The following CD109 variants were observed in gnomAD, a reference collection of about 807,000 sequenced individuals.
CD109 encodes the protein CD109 antigen.
Under a neutral mutation model 165.8 loss-of-function variants are expected in CD109, and 149 were observed. The ratio of observed to expected loss-of-function variants is 0.90; its 90% confidence interval spans 0.79 to 1.03. The LOEUF (loss-of-function observed/expected upper bound fraction) is 1.03. CD109 is among the 50% of genes least tolerant of loss of function. CD109 has a pLI of 0.00. For missense variants in CD109, 1,712 were observed against 1,677.8 expected, an observed-to-expected ratio of 1.02 and a Z score of -0.36; for synonymous variants, 585 against 592.1, an observed-to-expected ratio of 0.99 and a Z score of 0.18.
In CD109 at chr6:73,772,505, CAAAAAAA is replaced by C. The variant is rs1027095366; in HGVS notation, c.1827+944_1827+950del. Reference sequence around the variant, plus strand: ...TGGGTGACAGAGCAAGACTCTGTCTCAAAAAAAAAAAAAAAAAAAAAAAAAATTACAG... The same window carrying C: ...TGGGTGACAGAGCAAGACTCTGTCTCAAAAAAAAAAAAAAAAAAATTACAG... On this transcript the variant is annotated intron_variant, in intron 15 of 32. Transcript: ENST00000287097. Among the ~76,000 whole-genome samples, 307 of 39,562 alleles carry C rather than the reference CAAAAAAA, an allele frequency of 7.8e-3. 1 individual carries two copies. The highest frequency in any genetic ancestry group is 0.027 in the African/African-American group (287 of 10,604). 26.0% of individuals were successfully genotyped at this position (39,562 alleles called of 152,430 possible). A position where few individuals can be genotyped will look rare whatever the true frequency, so the allele number is the denominator to read the frequency against.
rs1225789953 is a variant in CD109 at position 73,803,703 on chromosome 6, G to GTGTGTT, written c.2960+407_2960+408insTTGTGT. ...GTAGTTTAAGTTTGTGTGTGTGTGT[G>GTGTGTT]TGTGTGTGTAAAAAACAAACACTGA... On this transcript the variant is annotated intron_variant, in intron 24 of 32. Coordinates refer to ENST00000287097, the MANE Select transcript of CD109 (RefSeq NM_133493.5). Among the ~76,000 whole-genome samples the GTGTGTT allele has an allele frequency of 1.0e-3, 156 of 152,000 alleles. 2 individuals are homozygous for GTGTGTT. Among genetic ancestry groups the GTGTGTT allele is most frequent in the African/African-American group, 3.7e-3 (152 of 41,434 alleles).
Position 73,736,500 on chromosome 6 carries a change from C to A in CD109, c.625C>A (p.Gln209Lys). ...ACTTGGTGACTGGTCTATTCAAGTTCAAGTGAATGTGAGTATAAATATATT... is the reference window on the plus strand; with the variant it reads ...ACTTGGTGACTGGTCTATTCAAGTTAAAGTGAATGTGAGTATAAATATATT... ...PILGDWSIQV[Q>K]VNDQTYYQSF... Residue 209 changes from glutamine to lysine, a missense_variant, in exon 5 of 33, where the codon CAA (glutamine) becomes AAA (lysine). Physicochemically the swap from Gln to Lys is moderately conservative, Grantham distance 53. Coordinates refer to ENST00000287097, the MANE Select transcript of CD109 (RefSeq NM_133493.5). 2 of 1,608,262 alleles carry A rather than the reference C, an allele frequency of 1.2e-6. No homozygotes were observed. The highest frequency in any genetic ancestry group is 1.1e-5 in the South Asian group (1 of 90,202).
Position 73,771,497 on chromosome 6 carries a change from A to G in CD109, c.1743A>G (p.Thr581=). Reference sequence around the variant, plus strand: ...AAGTCTCTCTTAGGATCTCTGTGACACAGCCTGACTCCATAGTTGGGATTG... The same window carrying G: ...AAGTCTCTCTTAGGATCTCTGTGACGCAGCCTGACTCCATAGTTGGGATTG... ...SEKVSLRISV[T]QPDSIVGIVA... is the part of the protein sequence containing the mutation. Residue 581 remains threonine (T), a synonymous_variant, in exon 15 of 33, where the codon ACA becomes ACG. Transcript: ENST00000287097. 6.2e-7 allele frequency: 1 copy of G among 1,611,742 alleles called. No homozygotes were observed. The highest frequency in any genetic ancestry group is 1.1e-5 in the South Asian group (1 of 90,498).
intron 5 of CD109, among the ~76,000 whole-genome samples, chr6:73,743,265 A>G (rs1772859679): frequency 6.6e-6 from 1 of 152,170 alleles, no homozygotes; most frequent in African/African-American, 2.4e-5. Flanking sequence ...ATCTGTCACT[A>G]ACTACAATTT....
At chr6:73,789,316 A>T (rs1178231318) in intron 22 of CD109, among the ~76,000 whole-genome samples, 1 of 152,212 alleles carries the variant, frequency 6.6e-6, no homozygotes, top group Non-Finnish European at 1.5e-5. Flanking sequence ...TTATAATTGT[A>T]TAAATTTATG....
At chr6:73,811,655 G>A (rs981251100) in intron 28 of CD109, among the ~76,000 whole-genome samples, 2 of 152,064 alleles carry the variant, frequency 1.3e-5, no homozygotes, top group African/African-American at 4.8e-5. Flanking sequence ...TGATAGAACC[G>A]GTAGTAGAAT....
At chr6:73,695,884 G>GC (rs1770802684), upstream of CD109, 5 of 363,160 alleles carry the variant, frequency 1.4e-5, no homozygotes, top group South Asian at 1.2e-4. Context: ...AACCCGGTGG[G>GC]CCGGGGAAGT....
intron 2 of CD109, among the ~76,000 whole-genome samples, chr6:73,706,213 C>T (rs1771260100): frequency 6.6e-6 from 1 of 152,120 alleles, no homozygotes. Flanking sequence ...GATCTGGCCA[C>T]CACTTTATAG....
At chr6:73,740,573 G>T (rs1469143308) in intron 5 of CD109, among the ~76,000 whole-genome samples, 2 of 148,452 alleles carry the variant, frequency 1.3e-5, no homozygotes, top group Non-Finnish European at 3.0e-5. Flanking sequence ...TTTTGGTCTA[G>T]TATGATTTCT....
At chr6:73,731,459 G>A (rs149710627) in intron 4 of CD109, among the ~76,000 whole-genome samples, 1 of 152,224 alleles carries the variant, frequency 6.6e-6, no homozygotes, top group African/African-American at 2.4e-5. Context: ...CTTGTTTGGC[G>A]CATTGGAGGA....
chr6:73,723,322 A>C (rs900380006), intron 3 of CD109, 43 bp downstream of exon 3: 2 of 1,328,680 alleles, frequency 1.5e-6, no homozygotes, highest in African/African-American at 1.5e-5. Flanking sequence ...AATATATTGT[A>C]TCAGTGAACT....
intron 2 of CD109, among the ~76,000 whole-genome samples, chr6:73,721,789 T>G (rs544919690): frequency 6.6e-6 from 1 of 152,326 alleles, no homozygotes; most frequent in South Asian, 2.1e-4. Context: ...CAGGCTGTAG[T>G]GCAGTGATGT....
chr6:73,738,697 A>G (rs1038032168), intron 5 of CD109, among the ~76,000 whole-genome samples: 4 of 152,226 alleles, frequency 2.6e-5, no homozygotes, highest in Non-Finnish European at 1.5e-5. Flanking sequence ...CATTTGCAGG[A>G]TCTGGCCCTT....
rs772548630 is a variant in CD109 at position 73,818,421 on chromosome 6, T to C, written c.3945T>C (p.Leu1315=). 2.0e-5 allele frequency: 33 copies of C among 1,613,812 alleles called. No homozygotes were observed. The East Asian group carries it at 6.7e-4, about 33-fold the overall frequency. The change falls in exon 31 of 33, where the codon CTT becomes CTC. Residue 1315 remains leucine (L), a synonymous_variant. Transcript: ENST00000287097. ...GCCCGGGTAGGAGTGGCATGGCTCT[T>C]ATGGAAGTTAACCTATTAAGTGGCT... ...FSGPGRSGMA[L]MEVNLLSGFM... is the part of the protein sequence containing the mutation.
rs568275706 is a variant in CD109, at chr6:73,800,972, A to G, written c.2879-2248A>G. 4.6e-5 allele frequency among the ~76,000 whole-genome samples: 7 copies of G among 152,350 alleles called. No homozygotes were observed. The South Asian group carries it at 1.4e-3, about 32-fold the overall frequency. Reference sequence around the variant, plus strand: ...TGGAATAGTTTAAAAACTTTAAAAAAATAGTCAAATGCATCAATTTTTTTA... The same window carrying G: ...TGGAATAGTTTAAAAACTTTAAAAAGATAGTCAAATGCATCAATTTTTTTA... On this transcript the variant is annotated intron_variant, in intron 23 of 32. Transcript: ENST00000287097.
chr6:73,716,077 G>A (rs762717697), intron 2 of CD109, among the ~76,000 whole-genome samples: 2 of 152,182 alleles, frequency 1.3e-5, no homozygotes, highest in Non-Finnish European at 2.9e-5. Flanking sequence ...ATGACCTTCA[G>A]TTCCATCCAT....
rs945034955 is a variant in CD109 at position 73,827,069 on chromosome 6, C to T, written c.*3436C>T. On this transcript the variant is annotated 3_prime_UTR_variant, in exon 33 of 33. Coordinates refer to ENST00000287097, the MANE Select transcript of CD109 (RefSeq NM_133493.5). ...TTTAAAAAAGAATTATTTTATTAAC[C>T]TGCTGGCATATAATCTGGAGTTCTT... 1 of 152,012 alleles carries T rather than the reference C, an allele frequency of 6.6e-6. No homozygotes were observed. Among genetic ancestry groups the T allele is most frequent in the African/African-American group, 2.4e-5 (1 of 41,406 alleles). The allele number at this position is 152,012 out of a possible 1,614,324, so 9.4% of individuals were successfully genotyped here.
At chr6:73,742,408 T>G (rs1702420861) in intron 5 of CD109, among the ~76,000 whole-genome samples, 1 of 152,254 alleles carries the variant, frequency 6.6e-6, no homozygotes, top group Admixed American at 6.5e-5. Context: ...CGAATGTTTT[T>G]GCATCTATGA....
chr6:73,819,445 A>G (rs888925174), intron 31 of CD109, among the ~76,000 whole-genome samples: 15 of 152,220 alleles, frequency 9.9e-5, no homozygotes, highest in African/African-American at 3.6e-4. Context: ...TAGCATCTAT[A>G]TGAGCTTCAT....
Sources: gnomAD v4.1 joint callset for allele counts (sites outside exome capture counted in the v4.1 genomes callset) on GRCh38, gnomAD v4.1.1 for gene constraint, MANE v1.5 for transcripts, NCBI Gene and HGNC (gene_info 2026-07-23, HGNC 2026-07-21) for gene names.